KMT2C: variants seen among roughly 807,000 people sequenced by gnomAD.
KMT2C encodes the protein histone-lysine N-methyltransferase 2C.
KMT2C carries 88 observed loss-of-function variants against 507.9 expected under a neutral mutation model. The observed-to-expected ratio is 0.17, with a 90% CI of 0.15 to 0.21. The LOEUF is 0.21. Among genes scored for constraint, KMT2C ranks in the 10% least tolerant of loss-of-function variants. The pLI is 1.00. For missense variants in KMT2C, 4,954 were observed against 5,957.8 expected (o/e 0.83, Z 5.55); for synonymous variants, 2,049 against 2,080.8 (o/e 0.98, Z 0.42).
intron 1 of KMT2C, among the ~76,000 whole-genome samples, chr7:152,396,625 C>T (rs995222179): frequency 6.6e-5 from 10 of 152,160 alleles, no homozygotes; most frequent in Admixed American, 2.0e-4. Context: ...AAGAAAACGA[C>T]AATTGCTGAT....
rs2129092691 is a variant in KMT2C, at chr7:152,144,746, T to C, written c.14310A>G (p.Lys4770=). ...GAGACCGTGCCAGATACACATTGGA[T>C]TTCCATTCAGTTTTCATCTTCCGGT... is the stretch of plus-strand genomic sequence containing the variant. ...SQYRKMKTEW[K]SNVYLARSRI... The change falls in exon 55 of 59, where the codon AAA becomes AAG. Residue 4770 remains lysine, a synonymous_variant. Coordinates refer to ENST00000262189, the MANE Select transcript of KMT2C (RefSeq NM_170606.3). The surrounding 1 kb of genome is among the most constrained non-coding windows in gnomAD (Gnocchi z 4.4). 1 of 1,614,146 alleles carries C rather than the reference T, an allele frequency of 6.2e-7. No individual in the cohort carries two copies. The highest frequency in any genetic ancestry group is 1.1e-5 in the South Asian group (1 of 91,074).
intron 3 of KMT2C, among the ~76,000 whole-genome samples, chr7:152,319,015 CATG>C (rs951644006): frequency 2.0e-5 from 3 of 152,268 alleles, no homozygotes; most frequent in African/African-American, 7.2e-5. Flanking sequence ...TAAGCACCAA[CATG>C]ATATCACAAG....
chr7:152,377,734 CAAAAAAAAAAAA>C (rs59181675), intron 1 of KMT2C, among the ~76,000 whole-genome samples: 1,660 of 62,628 alleles, frequency 0.027, 44 homozygotes, highest in Admixed American at 0.14. Context: ...GACTCCGTCT[CAAAAAAAAAAAA>C]AAAAAAAAGT....
In KMT2C at chr7:152,135,186, A is replaced by G. The variant is rs775991754; in HGVS notation, c.*1646T>C. ...AGAGAAAAATATATACAATTGATTT[A>G]TTCTGTAAGATAAAAATACATCATG... On this transcript the variant is annotated 3_prime_UTR_variant, in exon 59 of 59. Transcript: ENST00000262189. 9.0e-6 allele frequency: 2 copies of G among 222,548 alleles called. No homozygotes were observed. Among genetic ancestry groups the G allele is most frequent in the Non-Finnish European group, 1.8e-5 (2 of 111,186 alleles). The allele number at this position is 222,548 out of a possible 1,614,324, so 13.8% of individuals were successfully genotyped here.
At chr7:152,420,451 C>A (rs1354606679) in intron 1 of KMT2C, among the ~76,000 whole-genome samples, 6 of 152,268 alleles carry the variant, frequency 3.9e-5, no homozygotes, top group African/African-American at 1.4e-4. Context: ...ATGTTCTGCA[C>A]AAAGCGGGAA....
intron 39 of KMT2C, among the ~76,000 whole-genome samples, chr7:152,171,728 T>A (rs1364209916): frequency 6.6e-6 from 1 of 152,254 alleles, no homozygotes; most frequent in African/African-American, 2.4e-5. Flanking sequence ...ATAAGTTGAT[T>A]TAGTTTTATA....
intron 2 of KMT2C, among the ~76,000 whole-genome samples, chr7:152,331,163 C>A (rs2096878617): frequency 6.6e-6 from 1 of 151,962 alleles, no homozygotes; most frequent in African/African-American, 2.4e-5. Flanking sequence ...TAAAAATTAG[C>A]CAGGCAAGGT....
chr7:152,374,418 G>A (rs890898963), intron 1 of KMT2C, among the ~76,000 whole-genome samples: 1 of 151,898 alleles, frequency 6.6e-6, no homozygotes, highest in Non-Finnish European at 1.5e-5. Context: ...ATTCTCAATA[G>A]AAAAATAACA....
chr7:152,393,584 T>C (rs2097517168), intron 1 of KMT2C, among the ~76,000 whole-genome samples: 1 of 152,138 alleles, frequency 6.6e-6, no homozygotes, highest in Admixed American at 6.5e-5. Context: ...ATCTAGGACA[T>C]GGATGGATAC....
chr7:152,245,460 T>G (rs1165985702), intron 14 of KMT2C, among the ~76,000 whole-genome samples: 1 of 152,200 alleles, frequency 6.6e-6, no homozygotes, highest in East Asian at 1.9e-4. Flanking sequence ...CCAGGTTAAA[T>G]AAAATAGATT....
At chr7:152,328,170 G>A (rs2096848170) in intron 3 of KMT2C, among the ~76,000 whole-genome samples, 1 of 152,108 alleles carries the variant, frequency 6.6e-6, no homozygotes, top group Non-Finnish European at 1.5e-5. Flanking sequence ...TATGGTGGGA[G>A]CTGCTGTTTT....
chr7:152,360,478 CA>C (rs201956551), intron 1 of KMT2C, among the ~76,000 whole-genome samples: 20 of 139,518 alleles, frequency 1.4e-4, no homozygotes, highest in Non-Finnish European at 7.8e-5. Flanking sequence ...AACTCTGTCT[CA>C]AAAAAAAAAA....
chr7:152,330,225 T>C (rs764373300), intron 3 of KMT2C, among the ~76,000 whole-genome samples: 5 of 152,050 alleles, frequency 3.3e-5, no homozygotes, highest in Non-Finnish European at 7.4e-5. Flanking sequence ...TGTGTTTCCT[T>C]TTTTAATGAA....
At chr7:152,295,922 G>A (rs2096489113) in intron 6 of KMT2C, among the ~76,000 whole-genome samples, 1 of 151,900 alleles carries the variant, frequency 6.6e-6, no homozygotes, top group East Asian at 2.0e-4. Context: ...AAAAAAATTA[G>A]CCGGGCATGG....
rs781162186 is a variant in KMT2C at position 152,152,685 on chromosome 7, C to CA, written c.12526+19dup. ...GAATCAGGAATGGATTTGGGGTTAA[C>CA]AAAAAGCTCACTAGCTCACCATTGC... On this transcript the variant is annotated intron_variant, in intron 49 of 58. Transcript: ENST00000262189. 3 of 1,611,258 alleles carry CA rather than the reference C, an allele frequency of 1.9e-6. No homozygotes were observed. The highest frequency in any genetic ancestry group is 2.5e-6 in the Non-Finnish European group (3 of 1,177,630).
At chr7:152,263,862 A>T (rs1283924439) in intron 8 of KMT2C, among the ~76,000 whole-genome samples, 2 of 152,090 alleles carry the variant, frequency 1.3e-5, no homozygotes, top group African/African-American at 4.8e-5. Context: ...AATCACTTTC[A>T]GATACTATGA....
At chr7:152,215,859 G>A (rs1236975617) in intron 23 of KMT2C, among the ~76,000 whole-genome samples, 1 of 151,946 alleles carries the variant, frequency 6.6e-6, no homozygotes, top group Non-Finnish European at 1.5e-5. Context: ...AGACTTCACT[G>A]TTTACCTTTT....
chr7:152,265,427 C>T (rs2095845893), intron 7 of KMT2C, among the ~76,000 whole-genome samples: 1 of 152,088 alleles, frequency 6.6e-6, no homozygotes. Flanking sequence ...TATAGTTTTG[C>T]AATTATTTGT....
At chr7:152,393,422 G>T (rs1032337461) in intron 1 of KMT2C, among the ~76,000 whole-genome samples, 1 of 152,062 alleles carries the variant, frequency 6.6e-6, no homozygotes, top group African/African-American at 2.4e-5. Context: ...ATTTAAAAAG[G>T]ATGATCGACT....
Sources: allele counts gnomAD v4.1 joint callset (sites outside exome capture counted in the v4.1 genomes callset), GRCh38; gene constraint gnomAD v4.1.1; non-coding constraint Gnocchi (gnomAD v3.1); transcripts MANE v1.5; gene names NCBI Gene and HGNC (gene_info 2026-07-23, HGNC 2026-07-21).